GLS: variants seen among roughly 807,000 people sequenced by gnomAD.
The protein encoded by GLS is glutaminase kidney isoform, mitochondrial.
Under a neutral mutation model 86.7 loss-of-function variants are expected in GLS, and 36 were observed. The ratio of observed to expected loss-of-function variants is 0.42; its 90% CI spans 0.32 to 0.55. The LOEUF is 0.55. Among genes scored for constraint, GLS ranks in the 20% least tolerant of loss-of-function variants. The pLI is 0.17. For missense variants in GLS, 528 were observed against 833.4 expected, an observed-to-expected ratio of 0.63 and a Z score of 4.51; for synonymous variants, 317 against 305.9, an observed-to-expected ratio of 1.04 and a Z score of -0.38.
rs1024262455 is a variant in GLS at position 190,913,484 on chromosome 2, A to T, written c.1038+3163A>T. 3 of 986,092 alleles carry T rather than the reference A, an allele frequency of 3.0e-6. No homozygotes were observed. The highest frequency in any genetic ancestry group is 3.5e-5 in the African/African-American group (2 of 56,908). The allele number at this position is 986,092 out of a possible 1,614,324, so 61.1% of individuals were successfully genotyped here. The stretch of plus-strand genomic sequence containing the variant: ...TGTGGTAGCTACTAACTTTAAAGGA[A>T]TACTTTTTGTTGTAATCTGTTTTAT... On this transcript the variant is annotated intron_variant, in intron 7 of 17. Transcript: ENST00000320717. This position sits in a 1 kb window ranked among gnomAD's most constrained non-coding sequence, Gnocchi z 6.1.
chr2:190,942,661 A>G (rs1470261695), intron 14 of GLS, among the ~76,000 whole-genome samples: 1 of 152,224 alleles, frequency 6.6e-6, no homozygotes, highest in Admixed American at 6.5e-5. Context: ...ATTAACTAAG[A>G]TGGAGAACAC....
intron 1 of GLS, among the ~76,000 whole-genome samples, chr2:190,894,950 GA>G (rs1688679849): frequency 8.8e-6 from 1 of 113,230 alleles, no homozygotes; most frequent in African/African-American, 2.5e-5. Flanking sequence ...ATGTGTTAAT[GA>G]TTTTTTTTCT....
At position 190,951,104 on chromosome 2, in the gene GLS, A is replaced by G. The variant is rs1574619957; in HGVS notation, c.1651-2461A>G. ...AGATGAATTCTTTGAGGGACATTAT[A>G]TTGAAAAACAAGAAGATTGGACTGC... On this transcript the variant is annotated intron_variant, in intron 14 of 17. Transcript: ENST00000320717. This position sits in a 1 kb window ranked among gnomAD's most constrained non-coding sequence, Gnocchi z 4.2. Among the ~76,000 whole-genome samples, 1 of 152,202 alleles carries G rather than the reference A, an allele frequency of 6.6e-6. No homozygotes were observed. Among genetic ancestry groups the G allele is most frequent in the South Asian group, 2.1e-4 (1 of 4,834 alleles).
chr2:190,910,410 G>C, intron 7 of GLS, 89 bp downstream of exon 7: 1 of 650,698 alleles, frequency 1.5e-6, no homozygotes, highest in Non-Finnish European at 2.7e-6. Context: ...TATTTATGTA[G>C]AATTATGAAA....
chr2:190,895,739 C>G lies in GLS; in HGVS notation c.605+14C>G. 6.4e-7 allele frequency: 1 copy of G among 1,568,278 alleles called. No individual in the cohort carries two copies. Among genetic ancestry groups the G allele is most frequent in the Non-Finnish European group, 8.7e-7 (1 of 1,150,830 alleles). ...TCTTTTTAAAAAGTAAAAGTTTCTG[C>G]CAAACCTTTAATGGTGATTTGCTAT... is the stretch of plus-strand genomic sequence containing the variant. On this transcript the variant is annotated intron_variant, in intron 3 of 17. Transcript: ENST00000320717. The surrounding 1 kb of genome is among the most constrained non-coding windows in gnomAD (Gnocchi z 4.2).
chr2:190,897,288 G>A lies in GLS; in HGVS notation c.605+1563G>A, dbSNP rs1040462337. ...AATCCATCCGCCTCGGCCTCCTAAA[G>A]TTACACGGTTTTAATACTTGAAAAA... On this transcript the variant is annotated intron_variant, in intron 3 of 17. Coordinates refer to ENST00000320717, the MANE Select transcript of GLS (RefSeq NM_014905.5). The surrounding 1 kb of genome is among the most constrained non-coding windows in gnomAD (Gnocchi z 4.3). Among the ~76,000 whole-genome samples the A allele has an allele frequency of 6.6e-6, 1 of 152,068 alleles. No homozygotes were observed. Among genetic ancestry groups the A allele is most frequent in the African/African-American group, 2.4e-5 (1 of 41,410 alleles).
Position 190,900,557 on chromosome 2 carries a change from T to C in GLS, c.606-7T>C. Reference sequence around the variant, plus strand: ...CAGTTTATTAATTATCTTTTTACATTCTACAGATGTGTTCAGAGCAACATT... The same window carrying C: ...CAGTTTATTAATTATCTTTTTACATCCTACAGATGTGTTCAGAGCAACATT... On this transcript the variant is annotated splice_region_variant and splice_polypyrimidine_tract_variant and intron_variant, in intron 3 of 17. Coordinates refer to ENST00000320717, the MANE Select transcript of GLS (RefSeq NM_014905.5). The C allele has an allele frequency of 1.3e-6, 2 of 1,530,480 alleles. No individual in the cohort carries two copies. Among genetic ancestry groups the C allele is most frequent in the Non-Finnish European group, 1.8e-6 (2 of 1,123,900 alleles). 94.8% of individuals were successfully genotyped at this position (1,530,480 alleles called of 1,614,324 possible). A position where few individuals can be genotyped will look rare whatever the true frequency, so the allele number is the denominator to read the frequency against.
rs893778233 is a variant in GLS, at chr2:190,951,329, G to A, written c.1651-2236G>A. ...TTTAGAGGTAACAATGAGTGTGAAG[G>A]TAATTTTCAGGGAATTAAAAATATA... On this transcript the variant is annotated intron_variant, in intron 14 of 17. Transcript: ENST00000320717. This position sits in a 1 kb window ranked among gnomAD's most constrained non-coding sequence, Gnocchi z 4.2. 1.3e-5 allele frequency among the ~76,000 whole-genome samples: 2 copies of A among 152,070 alleles called. No homozygotes were observed. Among genetic ancestry groups the A allele is most frequent in the Non-Finnish European group, 2.9e-5 (2 of 68,014 alleles).
At chr2:190,959,087 A>G (rs1458227018) in intron 17 of GLS, among the ~76,000 whole-genome samples, 2 of 151,000 alleles carry the variant, frequency 1.3e-5, no homozygotes, top group East Asian at 1.9e-4. Flanking sequence ...AACTTGCTTT[A>G]TGAATCTGGG....
chr2:190,900,020 C>T (rs550626143), intron 3 of GLS, among the ~76,000 whole-genome samples: 70 of 113,056 alleles, frequency 6.2e-4, no homozygotes, highest in African/African-American at 1.4e-3. Context: ...ATTATTTTTA[C>T]AAGCATATCA....
At chr2:190,918,973 A>G (rs771980364) in intron 7 of GLS, among the ~76,000 whole-genome samples, 3 of 152,104 alleles carry the variant, frequency 2.0e-5, no homozygotes, top group Non-Finnish European at 4.4e-5. Flanking sequence ...AAACAAGTGT[A>G]ATAGAGCAAA....
chr2:190,908,241 A>T (rs911746762), intron 6 of GLS, among the ~76,000 whole-genome samples: 2 of 152,204 alleles, frequency 1.3e-5, no homozygotes, highest in African/African-American at 4.8e-5. Context: ...AATACCGAAA[A>T]TATAAATATC....
chr2:190,909,303 C>A (rs181189404), intron 6 of GLS, among the ~76,000 whole-genome samples: 9 of 152,080 alleles, frequency 5.9e-5, no homozygotes, highest in African/African-American at 2.2e-4. Context: ...TACATTACTT[C>A]ATATATTTAT....
At chr2:190,881,683 C>T (rs919099656) in intron 1 of GLS, 22 of 488,436 alleles carry the variant, frequency 4.5e-5, no homozygotes, top group Non-Finnish European at 7.8e-5. Context: ...CACCCACTTC[C>T]CTTCTCCGCC....
At position 190,956,010 on chromosome 2, in the gene GLS, TCTGGATATTAGCC is replaced by T. The variant is rs1690853540; in HGVS notation, c.1853+1195_1853+1207del. 2.0e-5 allele frequency among the ~76,000 whole-genome samples: 3 copies of T among 152,366 alleles called. No homozygotes were observed. In the South Asian group the frequency reaches 6.2e-4, roughly 32 times the overall value. ...AAATTTGCTTAACTTCCTTGTAGAT[TCTGGATATTAGCC>T]CTTTGTCAGATGGATAGATCGCAAA... On this transcript the variant is annotated intron_variant, in intron 17 of 17. Coordinates refer to ENST00000320717, the MANE Select transcript of GLS (RefSeq NM_014905.5). This position sits in a 1 kb window ranked among gnomAD's most constrained non-coding sequence, Gnocchi z 4.2.
At position 190,881,038 on chromosome 2, in the gene GLS, C is replaced by A; in HGVS notation, c.-47C>A. On this transcript the variant is annotated 5_prime_UTR_variant, in exon 1 of 18. Transcript: ENST00000320717. Reference sequence around the variant, plus strand: ...TCCCCGAGGAAACCGGCCGCCCACGCCCGGAGCATCCTCCCCTGTTGAGCG... The same window carrying A: ...TCCCCGAGGAAACCGGCCGCCCACGACCGGAGCATCCTCCCCTGTTGAGCG... 6.6e-7 allele frequency: 1 copy of A among 1,523,440 alleles called. No individual in the cohort carries two copies. 94.4% of individuals were successfully genotyped at this position (1,523,440 alleles called of 1,614,324 possible).
At chr2:190,894,764 G>GA (rs1240286653) in intron 1 of GLS, among the ~76,000 whole-genome samples, 6 of 152,102 alleles carry the variant, frequency 3.9e-5, no homozygotes, top group Non-Finnish European at 7.4e-5. Context: ...ATCATATTTA[G>GA]AAAATCCCCA....
intron 17 of GLS, among the ~76,000 whole-genome samples, chr2:190,961,689 GTT>G (rs11386437): frequency 2.3e-4 from 31 of 135,884 alleles, no homozygotes; most frequent in African/African-American, 6.0e-4. Context: ...TAATTCAGCT[GTT>G]TTTTTTTTTT....
At chr2:190,916,127 T>C (rs1423264110) in intron 7 of GLS, among the ~76,000 whole-genome samples, 4 of 152,206 alleles carry the variant, frequency 2.6e-5, no homozygotes, top group Non-Finnish European at 5.9e-5. Flanking sequence ...TCCACTGATA[T>C]ATGAACTAAA....
Sources: allele counts gnomAD v4.1 joint callset (sites outside exome capture counted in the v4.1 genomes callset), GRCh38; gene constraint gnomAD v4.1.1; non-coding constraint Gnocchi (gnomAD v3.1); transcripts MANE v1.5; gene names NCBI Gene and HGNC (gene_info 2026-07-23, HGNC 2026-07-21).